The following SH3BGRL2 variants were observed in gnomAD, a reference collection of about 807,000 sequenced individuals.
The protein encoded by SH3BGRL2 is SH3 domain binding glutamate rich protein like 2, also known as SH3 domain-binding glutamic acid-rich-like protein 2.
Under a neutral mutation model 14.8 loss-of-function variants are expected in SH3BGRL2, and 21 were observed. The observed-to-expected ratio is 1.42, with a 90% confidence interval of 1.01 to 2.05. The LOEUF is 2.05. SH3BGRL2 is among the 30% of genes most tolerant of loss of function. The pLI is 0.00. For synonymous variants in SH3BGRL2, 50 were observed against 47.8 expected (o/e 1.05, Z -0.19); for missense variants, 147 against 130.8 (o/e 1.12, Z -0.61).
At chr6:79,559,264 G>A in the SH3BGRL2 span, among the ~76,000 whole-genome samples, 1 of 152,222 alleles carries the variant, frequency 6.6e-6, no homozygotes. Context: ...AGGAGTACGA[G>A]ACCAGCCTGG....
Position 79,650,358 on chromosome 6 carries a change from G to A in SH3BGRL2, c.45+18852G>A, listed in dbSNP as rs143275818. On this transcript the variant is annotated intron_variant, in intron 1 of 3. Coordinates refer to ENST00000369838, the MANE Select transcript of SH3BGRL2 (RefSeq NM_031469.4). ...TAGCCCAAGGAGGGAGGAAAGTACC[G>A]ATGAGATGACCAACTCAAGACAGAA... is the stretch of plus-strand genomic sequence containing the variant. Among the ~76,000 whole-genome samples, 7 of 152,260 alleles carry A rather than the reference G, an allele frequency of 4.6e-5. No homozygotes were observed. In the East Asian group the frequency reaches 5.8e-4, roughly 13 times the overall value.
At chr6:79,578,114 C>T in the SH3BGRL2 span, among the ~76,000 whole-genome samples, 16,237 of 152,178 alleles carry the variant, frequency 0.11, 977 homozygotes, top group Non-Finnish European at 0.13. Flanking sequence ...ACAAAGCAGC[C>T]GGGAAGCTCA....
At chr6:79,553,039 G>T in the SH3BGRL2 span, 1 of 152,274 alleles carries the variant, frequency 6.6e-6, no homozygotes, top group African/African-American at 2.4e-5. Context: ...GATTAGAAAG[G>T]AGTCCATCTC....
At chr6:79,669,195 C>A (rs1194946243) in intron 1 of SH3BGRL2, among the ~76,000 whole-genome samples, 1 of 151,952 alleles carries the variant, frequency 6.6e-6, no homozygotes, top group Non-Finnish European at 1.5e-5. Context: ...GAGGTGAGAA[C>A]AAAAACAAAG....
chr6:79,595,392 A>G, the SH3BGRL2 span, among the ~76,000 whole-genome samples: 1 of 152,220 alleles, frequency 6.6e-6, no homozygotes, highest in Non-Finnish European at 1.5e-5. Flanking sequence ...TGTAACTGAT[A>G]AAGATATTCG....
At chr6:79,644,339 G>A (rs1287034082) in intron 1 of SH3BGRL2, among the ~76,000 whole-genome samples, 1 of 152,056 alleles carries the variant, frequency 6.6e-6, no homozygotes. Context: ...GGGTCTGGGG[G>A]AGTGTAGACA....
the SH3BGRL2 span, among the ~76,000 whole-genome samples, chr6:79,624,059 C>A: frequency 6.6e-6 from 1 of 151,998 alleles, no homozygotes; most frequent in African/African-American, 2.4e-5. Context: ...AACCTAAATG[C>A]AAACTTTATG....
intron 1 of SH3BGRL2, among the ~76,000 whole-genome samples, chr6:79,655,476 C>T (rs1769387929): frequency 6.6e-6 from 1 of 151,998 alleles, no homozygotes; most frequent in African/African-American, 2.4e-5. Context: ...TTAAACTATA[C>T]AATTCGGTGG....
At chr6:79,614,007 G>C in the SH3BGRL2 span, among the ~76,000 whole-genome samples, 1 of 152,094 alleles carries the variant, frequency 6.6e-6, no homozygotes, top group Non-Finnish European at 1.5e-5. Context: ...AGCAGGGGCG[G>C]CTTTGACCTG....
chr6:79,619,275 CT>C, the SH3BGRL2 span, among the ~76,000 whole-genome samples: 85 of 152,008 alleles, frequency 5.6e-4, no homozygotes, highest in Middle Eastern at 0.02. Flanking sequence ...GTATAATTTC[CT>C]TCCCTTCTTA....
the SH3BGRL2 span, among the ~76,000 whole-genome samples, chr6:79,572,666 T>C: frequency 0.15 from 23,275 of 151,834 alleles, 2,218 homozygotes; most frequent in South Asian, 0.22. Context: ...GGGGTTTCAC[T>C]GTGTTAGCCA....
intron 2 of SH3BGRL2, among the ~76,000 whole-genome samples, chr6:79,683,239 T>C (rs1266407641): frequency 1.3e-5 from 2 of 152,150 alleles, no homozygotes; most frequent in Non-Finnish European, 2.9e-5. Context: ...AGATGTCTCA[T>C]TTCCATTAAG....
intron 1 of SH3BGRL2, among the ~76,000 whole-genome samples, chr6:79,653,949 T>A (rs964862613): frequency 6.6e-6 from 1 of 152,218 alleles, no homozygotes; most frequent in African/African-American, 2.4e-5. Flanking sequence ...TTCAGTATTC[T>A]GTTTATATCA....
intron 1 of SH3BGRL2, among the ~76,000 whole-genome samples, chr6:79,643,728 C>T (rs1409044870): frequency 1.3e-5 from 2 of 152,164 alleles, no homozygotes; most frequent in Non-Finnish European, 2.9e-5. Context: ...CTTGCCTTGT[C>T]ATAGAACCCA....
chr6:79,566,038 G>A, the SH3BGRL2 span, among the ~76,000 whole-genome samples: 2 of 152,156 alleles, frequency 1.3e-5, no homozygotes, highest in Admixed American at 1.3e-4. Context: ...AGTATTAACT[G>A]AGATGAGTGG....
chr6:79,601,261 C>T, the SH3BGRL2 span, among the ~76,000 whole-genome samples: 7 of 152,230 alleles, frequency 4.6e-5, no homozygotes, highest in East Asian at 9.6e-4. Context: ...AATCATGGCT[C>T]ACTGCAGCCT....
At chr6:79,612,372 C>A in the SH3BGRL2 span, among the ~76,000 whole-genome samples, 2 of 152,160 alleles carry the variant, frequency 1.3e-5, no homozygotes, top group African/African-American at 4.8e-5. Context: ...GTATTAAATT[C>A]TATTCTCCCA....
intron 3 of SH3BGRL2, among the ~76,000 whole-genome samples, chr6:79,698,424 G>A (rs1463190444): frequency 1.3e-5 from 2 of 152,114 alleles, no homozygotes; most frequent in Non-Finnish European, 2.9e-5. Context: ...AAAGATGAAA[G>A]CCCTGTTTTC....
the SH3BGRL2 span, among the ~76,000 whole-genome samples, chr6:79,582,817 G>T: frequency 6.6e-6 from 1 of 152,130 alleles, no homozygotes; most frequent in East Asian, 1.9e-4. Context: ...CTTCTGCACG[G>T]CAAAAGAAAC....
Sources: gnomAD v4.1 joint callset for allele counts (sites outside exome capture counted in the v4.1 genomes callset) on GRCh38, gnomAD v4.1.1 for gene constraint, MANE v1.5 for transcripts, NCBI Gene and HGNC (gene_info 2026-07-23, HGNC 2026-07-21) for gene names.